SMURF2: variants seen among roughly 807,000 people sequenced by gnomAD.
SMURF2 encodes SMAD specific E3 ubiquitin protein ligase 2, also known as E3 ubiquitin-protein ligase SMURF2.
Under a neutral mutation model 109.6 loss-of-function variants are expected in SMURF2, and 48 were observed. The observed-to-expected ratio is 0.44, with a 90% CI of 0.35 to 0.56. The LOEUF (loss-of-function observed/expected upper bound fraction) is 0.56, where lower values mean the gene tolerates loss of function less well. Among genes scored for constraint, SMURF2 ranks in the 20% least tolerant of loss-of-function variants. The pLI is 0.01. For missense variants in SMURF2, 575 were observed against 909.0 expected (o/e 0.63, Z 4.72); for synonymous variants, 288 against 317.1 (o/e 0.91, Z 0.97).
intron 16 of SMURF2, among the ~76,000 whole-genome samples, chr17:64,549,262 C>CAAAAAAAAA (rs577973821): frequency 2.4e-5 from 1 of 41,568 alleles, no homozygotes; most frequent in African/African-American, 8.3e-5. Context: ...ACTGTGTCTC[C>CAAAAAAAAA]AAAAAAAAAA....
chr17:64,660,762 G>C (rs1970764328), intron 1 of SMURF2: 1 of 152,142 alleles, frequency 6.6e-6, no homozygotes, highest in African/African-American at 2.4e-5. Flanking sequence ...TACAAACGTG[G>C]ACAATTTATC....
At chr17:64,630,864 T>A (rs1200009298) in intron 1 of SMURF2, among the ~76,000 whole-genome samples, 1 of 151,994 alleles carries the variant, frequency 6.6e-6, no homozygotes, top group Non-Finnish European at 1.5e-5. Context: ...CTCAATTATC[T>A]CTAGGGAGTC....
At chr17:64,597,726 T>C (rs1235143518) in intron 3 of SMURF2, among the ~76,000 whole-genome samples, 3 of 150,050 alleles carry the variant, frequency 2.0e-5, no homozygotes, top group African/African-American at 7.4e-5. Context: ...TGAGCCGAGA[T>C]GGTGCCACTG....
intron 1 of SMURF2, among the ~76,000 whole-genome samples, chr17:64,651,343 C>A (rs1331866535): frequency 4.4e-4 from 67 of 151,930 alleles, no homozygotes. Flanking sequence ...GAGGCTGAGG[C>A]GGGTGGATCA....
chr17:64,607,036 A>G (rs1236861542), intron 1 of SMURF2, among the ~76,000 whole-genome samples: 3 of 151,840 alleles, frequency 2.0e-5, no homozygotes, highest in Non-Finnish European at 2.9e-5. Context: ...TCACAAATAA[A>G]GATAAAGCTT....
intron 10 of SMURF2, among the ~76,000 whole-genome samples, chr17:64,565,867 A>T (rs1341073422): frequency 2.8e-5 from 4 of 144,976 alleles, no homozygotes; most frequent in East Asian, 2.0e-4. Context: ...CAAAGGAAAT[A>T]AAAAAAAAAA....
chr17:64,550,776 A>AAAG (rs1555683534), intron 16 of SMURF2, among the ~76,000 whole-genome samples: 2 of 150,230 alleles, frequency 1.3e-5, no homozygotes, highest in African/African-American at 5.0e-5. Flanking sequence ...AAAAAAAAAA[A>AAAG]AGAGAGAGAC....
intron 1 of SMURF2, among the ~76,000 whole-genome samples, chr17:64,608,837 T>C (rs2144678732): frequency 6.6e-6 from 1 of 152,290 alleles, no homozygotes; most frequent in South Asian, 2.1e-4. Flanking sequence ...GTTATACATA[T>C]CCTCTATCTT....
chr17:64,646,199 G>A (rs1296862739), intron 1 of SMURF2, among the ~76,000 whole-genome samples: 35 of 151,324 alleles, frequency 2.3e-4, no homozygotes, highest in African/African-American at 8.0e-4. Context: ...CCGAGTAGCT[G>A]GGATTATAGG....
At chr17:64,563,500 A>G (rs139591834) in intron 10 of SMURF2, among the ~76,000 whole-genome samples, 27 of 152,378 alleles carry the variant, frequency 1.8e-4, no homozygotes, top group African/African-American at 6.5e-4. Flanking sequence ...ATGTTTTAAC[A>G]TACACACAAA....
intron 2 of SMURF2, among the ~76,000 whole-genome samples, chr17:64,604,421 A>T (rs1969941644): frequency 6.6e-6 from 1 of 152,206 alleles, no homozygotes; most frequent in African/African-American, 2.4e-5. Flanking sequence ...AAGGACAAAG[A>T]TCATATAAGG....
rs1013704514 is a variant in SMURF2 at position 64,616,466 on chromosome 17, T to C, written c.53-9826A>G. 7.9e-5 allele frequency among the ~76,000 whole-genome samples: 12 copies of C among 151,724 alleles called. No homozygotes were observed. In the East Asian group the frequency reaches 2.4e-3, roughly 30 times the overall value. On this transcript the variant is annotated intron_variant, in intron 1 of 18. Coordinates refer to ENST00000262435, the MANE Select transcript of SMURF2 (RefSeq NM_022739.4). ...GAGTTTGAGACCAGCCTGGCCAACA[T>C]AGTGAAACCCTGTCTCTTCTAAAAA...
At position 64,598,316 on chromosome 17, in the gene SMURF2, AT is replaced by A. The variant is rs1555688253; in HGVS notation, c.200+65del. 5.3e-6 allele frequency: 7 copies of A among 1,320,606 alleles called. No homozygotes were observed. In the African/African-American group the frequency reaches 1.0e-4, roughly 20 times the overall value. 81.8% of individuals were successfully genotyped at this position (1,320,606 alleles called of 1,614,324 possible). ...GAAACCCAGATCATTTCCCATGATT[AT>A]TTTCAAAGACTATATCAAATAATTT... On this transcript the variant is annotated intron_variant, in intron 3 of 18. Coordinates refer to ENST00000262435, the MANE Select transcript of SMURF2 (RefSeq NM_022739.4).
intron 1 of SMURF2, among the ~76,000 whole-genome samples, chr17:64,653,663 G>T (rs1309011525): frequency 6.6e-6 from 1 of 152,022 alleles, no homozygotes; most frequent in East Asian, 1.9e-4. Context: ...GCCCAGGCTG[G>T]TCTCAAACTC....
chr17:64,566,561 GT>G lies in SMURF2; in HGVS notation c.1017-3596del, dbSNP rs1164717270. Reference sequence around the variant, plus strand: ...GATGTAGAAATGCTTAAGCTTTCTGGTTTTTTTTTTTTTTTTTTTTTTTTTT... The same window carrying G: ...GATGTAGAAATGCTTAAGCTTTCTGGTTTTTTTTTTTTTTTTTTTTTTTTT... On this transcript the variant is annotated intron_variant, in intron 10 of 18. Coordinates refer to ENST00000262435, the MANE Select transcript of SMURF2 (RefSeq NM_022739.4). Among the ~76,000 whole-genome samples, 92 of 43,778 alleles carry G rather than the reference GT, an allele frequency of 2.1e-3. 1 individual carries two copies. The highest frequency in any genetic ancestry group is 8.1e-3 in the East Asian group (9 of 1,116). 28.7% of individuals were successfully genotyped at this position (43,778 alleles called of 152,430 possible).
At chr17:64,625,422 T>G (rs1970254388) in intron 1 of SMURF2, among the ~76,000 whole-genome samples, 2 of 152,222 alleles carry the variant, frequency 1.3e-5, no homozygotes, top group Non-Finnish European at 2.9e-5. Flanking sequence ...GTCCTAATCT[T>G]AAATATTAAC....
chr17:64,640,881 A>G (rs2144721430), intron 1 of SMURF2, among the ~76,000 whole-genome samples: 1 of 151,428 alleles, frequency 6.6e-6, no homozygotes. Flanking sequence ...ATCATGCCAC[A>G]GCACTCCAGC....
intron 1 of SMURF2, among the ~76,000 whole-genome samples, chr17:64,656,060 T>C (rs1970701725): frequency 6.6e-6 from 1 of 152,212 alleles, no homozygotes; most frequent in African/African-American, 2.4e-5. Context: ...AATGACAAGA[T>C]GGCTAAATAG....
chr17:64,655,204 T>C (rs1481382280), intron 1 of SMURF2, among the ~76,000 whole-genome samples: 1 of 151,518 alleles, frequency 6.6e-6, no homozygotes, highest in Non-Finnish European at 1.5e-5. Flanking sequence ...CTTAGATACT[T>C]CTTTTTCCCA....
Sources: allele counts gnomAD v4.1 joint callset (sites outside exome capture counted in the v4.1 genomes callset), GRCh38; gene constraint gnomAD v4.1.1; transcripts MANE v1.5; gene names NCBI Gene and HGNC (gene_info 2026-07-23, HGNC 2026-07-21).